MEI1: variants seen among roughly 807,000 people sequenced by gnomAD.
MEI1 encodes meiosis inhibitor protein 1.
MEI1 carries 103 observed loss-of-function variants against 146.2 expected under a neutral mutation model. That is an observed-to-expected ratio of 0.70 (90% CI 0.60 to 0.83). The LOEUF (loss-of-function observed/expected upper bound fraction) is 0.83, where lower values mean the gene tolerates loss of function less well. Ranked by LOEUF, MEI1 falls within the 40% of genes least tolerant of loss-of-function variation. The probability of loss-of-function intolerance (pLI) is 0.00; values close to 1 mark genes in which losing one functional copy is unlikely to be tolerated. For synonymous variants in MEI1, 652 were observed against 628.2 expected, an observed-to-expected ratio of 1.04 and a Z score of -0.57; for missense variants, 1,529 against 1,533.0, an observed-to-expected ratio of 1.00 and a Z score of 0.04.
At chr22:41,760,509 A>G (rs2074413551) in intron 18 of MEI1, among the ~76,000 whole-genome samples, 1 of 152,028 alleles carries the variant, frequency 6.6e-6, no homozygotes. Flanking sequence ...ACTCTGTCTC[A>G]AAAAATAAAT....
chr22:41,711,923 T>G (rs2069603681), intron 3 of MEI1, among the ~76,000 whole-genome samples: 1 of 151,648 alleles, frequency 6.6e-6, no homozygotes, highest in Non-Finnish European at 1.5e-5. Context: ...AAATAGCAGT[T>G]TTTGGCCAGG....
chr22:41,775,011 G>A (rs1037033987), intron 20 of MEI1, among the ~76,000 whole-genome samples: 7 of 152,122 alleles, frequency 4.6e-5, no homozygotes, highest in African/African-American at 1.2e-4. Flanking sequence ...GAGGGAGTCT[G>A]TGTGACCTTG....
chr22:41,793,744 C>A, intron 26 of MEI1, 85 bp from the exon 27 acceptor site: 1 of 1,236,040 alleles, frequency 8.1e-7, no homozygotes, highest in Non-Finnish European at 1.1e-6. Context: ...CCAAGTAACT[C>A]TGAAAACCAA....
chr22:41,776,370 T>C, intron 21 of MEI1, 103 bp downstream of exon 21: 1 of 1,315,692 alleles, frequency 7.6e-7, no homozygotes, highest in Non-Finnish European at 1.0e-6. Context: ...ATCAGGGTTT[T>C]ATCTGAAAAA....
At chr22:41,751,698 C>T (rs1346218177) in intron 15 of MEI1, among the ~76,000 whole-genome samples, 1 of 146,466 alleles carries the variant, frequency 6.8e-6, no homozygotes, top group South Asian at 2.2e-4. Flanking sequence ...CTTGAACCTG[C>T]GAGGCGGAGG....
At chr22:41,721,557 T>C (rs2070802211) in intron 6 of MEI1, among the ~76,000 whole-genome samples, 1 of 42,848 alleles carries the variant, frequency 2.3e-5, no homozygotes, top group Admixed American at 1.2e-4. Flanking sequence ...GCCTGGCTAA[T>C]TAAAAAATTT....
chr22:41,776,960 G>A (rs892439883), intron 21 of MEI1, among the ~76,000 whole-genome samples: 4 of 150,610 alleles, frequency 2.7e-5, no homozygotes, highest in South Asian at 2.1e-4. Context: ...ACTTACAGGT[G>A]TGTGCCACGA....
chr22:41,779,805 T>C (rs1446099603), intron 22 of MEI1, among the ~76,000 whole-genome samples: 1 of 152,120 alleles, frequency 6.6e-6, no homozygotes, highest in East Asian at 1.9e-4. Context: ...TCTCCAGGCT[T>C]TTTTCTTACC....
Position 41,711,459 on chromosome 22 carries a change from C to A in MEI1, c.350-2543C>A, listed in dbSNP as rs575507934. ...TTTCCTTCATCATTTTCCTTCTAGG[C>A]CACCCTTGAGTGGGGCTACAATCCT... is the stretch of plus-strand genomic sequence containing the variant. On this transcript the variant is annotated intron_variant, in intron 3 of 30. Transcript: ENST00000401548. Among the ~76,000 whole-genome samples, 28 of 152,354 alleles carry A rather than the reference C, an allele frequency of 1.8e-4. 1 individual carries two copies. The highest frequency in any genetic ancestry group is 1.2e-3 in the Admixed American group (19 of 15,302).
intron 15 of MEI1, 95 bp downstream of exon 15, chr22:41,748,313 A>G (rs1013454960): frequency 2.5e-6 from 2 of 784,822 alleles, no homozygotes; most frequent in East Asian, 2.6e-5. Flanking sequence ...GTGGGTGCAC[A>G]TTTACTAATT....
At chr22:41,764,712 C>T (rs181882235) in intron 19 of MEI1, among the ~76,000 whole-genome samples, 5 of 152,258 alleles carry the variant, frequency 3.3e-5, no homozygotes, top group Admixed American at 2.6e-4. Flanking sequence ...ACAACCACCA[C>T]GAAAGTGATC....
intron 5 of MEI1, among the ~76,000 whole-genome samples, chr22:41,716,501 C>T (rs1335857530): frequency 2.0e-5 from 3 of 150,932 alleles, no homozygotes; most frequent in Admixed American, 6.6e-5. Context: ...CTCAGCCTCC[C>T]GAGTAGCTGG....
intron 1 of MEI1, among the ~76,000 whole-genome samples, 184 bp from the exon 2 acceptor site, chr22:41,703,147 G>A (rs2068839379): frequency 6.6e-6 from 1 of 152,196 alleles, no homozygotes; most frequent in African/African-American, 2.4e-5. Flanking sequence ...TCTTCTGTAT[G>A]AATACATGGA....
chr22:41,793,985 C>T lies in MEI1; in HGVS notation c.3427+75C>T, dbSNP rs550383746. ...AGCAACACCCTTCCACCCTCCTGCTCCAGCCTTCCATTCCCTTGTGTGACT... is the reference window on the plus strand; with the variant it reads ...AGCAACACCCTTCCACCCTCCTGCTTCAGCCTTCCATTCCCTTGTGTGACT... On this transcript the variant is annotated intron_variant, in intron 27 of 30. Coordinates refer to ENST00000401548, the MANE Select transcript of MEI1 (RefSeq NM_152513.4). The T allele has an allele frequency of 8.4e-5, 112 of 1,332,572 alleles. No homozygotes were observed. The African/African-American group carries it at 8.9e-4, about 11-fold the overall frequency. The allele number at this position is 1,332,572 out of a possible 1,614,324, so 82.5% of individuals were successfully genotyped here.
At chr22:41,709,947 T>C (rs1348309036) in intron 3 of MEI1, among the ~76,000 whole-genome samples, 3 of 152,092 alleles carry the variant, frequency 2.0e-5, no homozygotes. Flanking sequence ...GGATAGGATA[T>C]GTTGTGGGCT....
chr22:41,794,386 C>G lies in MEI1; in HGVS notation c.3443C>G (p.Ser1148Cys). 2 of 1,613,936 alleles carry G rather than the reference C, an allele frequency of 1.2e-6. No individual in the cohort carries two copies. Among genetic ancestry groups the G allele is most frequent in the Non-Finnish European group, 1.7e-6 (2 of 1,179,846 alleles). Residue 1148 changes from serine (S) to cysteine (C), a missense_variant, in exon 28 of 31, where the codon TCC becomes TGC. By Grantham distance (112) the Ser-to-Cys change is moderately radical. Transcript: ENST00000401548. The stretch of plus-strand genomic sequence containing the variant: ...TTTCTTGAAGCTCTCCACGTGGCCT[C>G]CCAGCCTTGGAATCGGTTTTTGCTG... ...RSPDIALHVA[S>C]QPWNRFLLFT...
At chr22:41,770,381 T>C (rs2075106973) in intron 19 of MEI1, among the ~76,000 whole-genome samples, 1 of 151,978 alleles carries the variant, frequency 6.6e-6, no homozygotes, top group Admixed American at 6.6e-5. Flanking sequence ...CTTTGTAGGA[T>C]ATTTAGCAGC....
At chr22:41,798,967 C>T (rs2076478673) in intron 30 of MEI1, among the ~76,000 whole-genome samples, 1 of 151,920 alleles carries the variant, frequency 6.6e-6, no homozygotes, top group African/African-American at 2.4e-5. Context: ...CACTGCAGTC[C>T]AGAGATACTG....
At position 41,724,077 on chromosome 22, in the gene MEI1, G is replaced by C. The variant is rs759945781; in HGVS notation, c.864+4G>C. 2.4e-5 allele frequency: 39 copies of C among 1,613,892 alleles called. 1 individual carries two copies. The Admixed American group carries it at 6.2e-4, about 26-fold the overall frequency. On this transcript the variant is annotated splice_donor_region_variant and intron_variant, in intron 7 of 30. Coordinates refer to ENST00000401548, the MANE Select transcript of MEI1 (RefSeq NM_152513.4). The stretch of plus-strand genomic sequence containing the variant: ...ACTGCCTTTGGTGCTCAAAAAGGTA[G>C]TTGTCTTGTGATTCCTGGTCTCTAG...
Sources: gnomAD v4.1 joint callset for allele counts (sites outside exome capture counted in the v4.1 genomes callset) on GRCh38, gnomAD v4.1.1 for gene constraint, MANE v1.5 for transcripts, NCBI Gene and HGNC (gene_info 2026-07-23, HGNC 2026-07-21) for gene names.